The following UGT1A9 variants were observed in gnomAD, a reference collection of about 807,000 sequenced individuals.
The protein encoded by UGT1A9 is UDP-glucuronosyltransferase 1A9.
Under a neutral mutation model 45.0 loss-of-function variants are expected in UGT1A9, and 35 were observed. The ratio of observed to expected loss-of-function variants is 0.78; its 90% CI spans 0.59 to 1.03. The LOEUF is 1.03. UGT1A9 is among the 50% of genes least tolerant of loss of function. The pLI is 0.00. For missense variants in UGT1A9, 687 were observed against 666.6 expected (o/e 1.03, Z -0.34); for synonymous variants, 278 against 250.6 (o/e 1.11, Z -1.03).
chr2:233,721,622 A>G (rs2076958313), intron 1 of UGT1A9: 1 of 189,722 alleles, frequency 5.3e-6, no homozygotes, highest in Non-Finnish European at 1.1e-5. Flanking sequence ...GTTCCTTATC[A>G]GTAAAGATCA....
intron 1 of UGT1A9, among the ~76,000 whole-genome samples, chr2:233,726,600 T>TACCCAG (rs1249219153): frequency 1.2e-4 from 18 of 152,200 alleles, no homozygotes; most frequent in African/African-American, 4.3e-4. Flanking sequence ...GCCCTTGTGA[T>TACCCAG]TACACTGTCC....
At position 233,672,755 on chromosome 2, in the gene UGT1A9, G is replaced by A. The variant is rs1373777219; in HGVS notation, c.821G>A (p.Gly274Asp). Residue 274 changes from glycine (G) to aspartate (D), a missense_variant, in exon 1 of 5, where the codon GGT becomes GAT. Coordinates refer to ENST00000354728, the MANE Select transcript of UGT1A9 (RefSeq NM_021027.3). ...ATGCCCAACATGATCTTCATTGGTGGTATCAACTGCCATCAGGGAAAGCCG... is the reference window on the plus strand; with the variant it reads ...ATGCCCAACATGATCTTCATTGGTGATATCAACTGCCATCAGGGAAAGCCG... Reference protein sequence around the residue: ...PVMPNMIFIGGINCHQGKPLP... With the variant: ...PVMPNMIFIGDINCHQGKPLP... The A allele has an allele frequency of 1.9e-6, 3 of 1,613,770 alleles. No homozygotes were observed. The highest frequency in any genetic ancestry group is 2.5e-6 in the Non-Finnish European group (3 of 1,179,770).
intron 1 of UGT1A9, among the ~76,000 whole-genome samples, chr2:233,680,346 C>T (rs1015442122): frequency 7.9e-5 from 12 of 152,190 alleles, no homozygotes; most frequent in Admixed American, 7.2e-4. Context: ...GTATAAACGT[C>T]ATATCACATG....
intron 1 of UGT1A9, among the ~76,000 whole-genome samples, chr2:233,696,257 G>A (rs6751673): frequency 0.36 from 54,459 of 152,012 alleles, 10,384 homozygotes; most frequent in African/African-American, 0.49. Flanking sequence ...GCACACATCA[G>A]TGAATGAATG....
chr2:233,691,246 A>C (rs1200256560), intron 1 of UGT1A9: 2 of 985,350 alleles, frequency 2.0e-6, no homozygotes, highest in Non-Finnish European at 2.4e-6. Context: ...ATCTAGATGA[A>C]CTCAAAGCAA....
At position 233,721,294 on chromosome 2, in the gene UGT1A9, T is replaced by C. The variant is rs555243942; in HGVS notation, c.856-45740T>C. On this transcript the variant is annotated intron_variant, in intron 1 of 4. Coordinates refer to ENST00000354728, the MANE Select transcript of UGT1A9 (RefSeq NM_021027.3). ...AAAAATGTGGAAAATTAGGAAGGCATTTGAATAGTGATTGTGGCTCTTTTC... is the reference window on the plus strand; with the variant it reads ...AAAAATGTGGAAAATTAGGAAGGCACTTGAATAGTGATTGTGGCTCTTTTC... Among the ~76,000 whole-genome samples, 3 of 152,308 alleles carry C rather than the reference T, an allele frequency of 2.0e-5. No homozygotes were observed. In the East Asian group the frequency reaches 5.8e-4, roughly 29 times the overall value.
chr2:233,701,118 A>G (rs1399584503), intron 1 of UGT1A9, among the ~76,000 whole-genome samples: 1 of 152,168 alleles, frequency 6.6e-6, no homozygotes, highest in East Asian at 1.9e-4. Context: ...CCAGTCTATC[A>G]TTGAGGGACA....
intron 1 of UGT1A9, chr2:233,690,977 C>A: frequency 1.0e-6 from 1 of 1,000,132 alleles, no homozygotes; most frequent in Non-Finnish European, 1.2e-6. Flanking sequence ...AAGAACAGGA[C>A]CCACATATGA....
At chr2:233,770,500 A>AT (rs1700093584) in intron 4 of UGT1A9, 1 of 152,124 alleles carries the variant, frequency 6.6e-6, no homozygotes, top group Admixed American at 6.5e-5. Flanking sequence ...CCAAAAAAAT[A>AT]TAAAAAAATT....
intron 1 of UGT1A9, among the ~76,000 whole-genome samples, chr2:233,707,630 A>G (rs573795071): frequency 6.6e-6 from 1 of 151,152 alleles, no homozygotes; most frequent in South Asian, 2.1e-4. Flanking sequence ...TACTGAATAT[A>G]TCCCATTGTA....
intron 1 of UGT1A9, among the ~76,000 whole-genome samples, chr2:233,694,361 G>A (rs1283070804): frequency 6.6e-6 from 1 of 151,520 alleles, no homozygotes; most frequent in African/African-American, 2.4e-5. Context: ...AGCTAAGAAT[G>A]GTTTTTGTAG....
chr2:233,719,816 T>C (rs2076805774), intron 1 of UGT1A9: 21 of 1,580,710 alleles, frequency 1.3e-5, no homozygotes, highest in Non-Finnish European at 1.8e-5. Flanking sequence ...TTATAACAGA[T>C]AAACTGTTGA....
Position 233,767,238 on chromosome 2 carries a change from AT to A in UGT1A9, c.987+75del. ...CTAATCCCAGACTTCCAGCTTCCAG[AT>A]TAATTCTCTTAATTGGAACCTTAGA... On this transcript the variant is annotated intron_variant, in intron 2 of 4. Transcript: ENST00000354728. The A allele has an allele frequency of 9.3e-6, 15 of 1,607,788 alleles. No individual in the cohort carries two copies. In the South Asian group the frequency reaches 1.6e-4, roughly 17 times the overall value.
chr2:233,743,837 G>T (rs371252305), intron 1 of UGT1A9: 2 of 1,367,128 alleles, frequency 1.5e-6, no homozygotes, highest in Non-Finnish European at 2.0e-6. Flanking sequence ...CCACTTGAGC[G>T]CCAGCTTGCG....
intron 1 of UGT1A9, among the ~76,000 whole-genome samples, chr2:233,744,679 T>C (rs1489705981): frequency 6.6e-6 from 1 of 151,892 alleles, no homozygotes; most frequent in Admixed American, 6.5e-5. Flanking sequence ...ACATCACCCA[T>C]GTAGCTTCTG....
At chr2:233,693,594 C>G in intron 1 of UGT1A9, 5 of 1,614,202 alleles carry the variant, frequency 3.1e-6, no homozygotes, top group Non-Finnish European at 4.2e-6. Flanking sequence ...AGGTGCTACA[C>G]AAAGTTTTCA....
At chr2:233,770,192 A>G (rs1288564889) in intron 4 of UGT1A9, 1 of 152,232 alleles carries the variant, frequency 6.6e-6, no homozygotes, top group African/African-American at 2.4e-5. Context: ...ACTAACTTTC[A>G]TCTATTCATT....
chr2:233,695,246 C>T (rs994103006), intron 1 of UGT1A9, among the ~76,000 whole-genome samples: 1 of 151,774 alleles, frequency 6.6e-6, no homozygotes, highest in Non-Finnish European at 1.5e-5. Flanking sequence ...CTGCCTCAGC[C>T]TCCTGAGTAG....
intron 1 of UGT1A9, among the ~76,000 whole-genome samples, chr2:233,715,962 T>C (rs181027310): frequency 6.6e-5 from 10 of 152,310 alleles, no homozygotes; most frequent in Non-Finnish European, 1.2e-4. Flanking sequence ...GACTGACTGA[T>C]TGACTGATTG....
Sources: allele counts gnomAD v4.1 joint callset (sites outside exome capture counted in the v4.1 genomes callset), GRCh38; gene constraint gnomAD v4.1.1; transcripts MANE v1.5; gene names NCBI Gene and HGNC (gene_info 2026-07-23, HGNC 2026-07-21).